KCNIP4: variants seen among roughly 807,000 people sequenced by gnomAD.
The protein encoded by KCNIP4 is Kv channel-interacting protein 4.
A neutral mutation model predicts 34.0 loss-of-function variants in KCNIP4; 12 were observed. The ratio of observed to expected loss-of-function variants is 0.35; its 90% CI spans 0.23 to 0.57. The LOEUF is 0.57. Ranked by LOEUF, KCNIP4 falls within the 20% of genes least tolerant of loss-of-function variation. The probability of loss-of-function intolerance (pLI) is 0.83; values close to 1 mark genes in which losing one functional copy is unlikely to be tolerated. For missense variants in KCNIP4, 238 were observed against 311.7 expected (o/e 0.76, Z 1.78); for synonymous variants, 124 against 102.2 (o/e 1.21, Z -1.29).
chr4:21,229,799 C>T lies in KCNIP4; in HGVS notation c.62-347090G>A, dbSNP rs182891746. Among the ~76,000 whole-genome samples the T allele has an allele frequency of 1.4e-4, 21 of 152,214 alleles. No individual in the cohort carries two copies. The East Asian group carries it at 2.7e-3, about 20-fold the overall frequency. ...ATTGCTATTCTATTTGATTTGATTC[C>T]TTTGCACAGTTCTGAGAGTCCCACT... On this transcript the variant is annotated intron_variant, in intron 1 of 8. Transcript: ENST00000382152.
chr4:21,076,201 G>C lies in KCNIP4; in HGVS notation c.62-193492C>G, dbSNP rs1370760497. 1.1e-4 allele frequency among the ~76,000 whole-genome samples: 16 copies of C among 152,112 alleles called. 1 individual carries two copies. Among genetic ancestry groups the C allele is most frequent in the Admixed American group, 1.0e-3 (16 of 15,260 alleles). ...TGTTGACCTGCCTTGCTAGGTTGGGGAAGTTCTCTCCTGGATAATATCCTG... is the reference window on the plus strand; with the variant it reads ...TGTTGACCTGCCTTGCTAGGTTGGGCAAGTTCTCTCCTGGATAATATCCTG... On this transcript the variant is annotated intron_variant, in intron 1 of 8. Coordinates refer to ENST00000382152, the MANE Select transcript of KCNIP4 (RefSeq NM_025221.6).
At position 20,770,224 on chromosome 4, in the gene KCNIP4, AC is replaced by A. The variant is rs561871465; in HGVS notation, c.289-11335del. ...ACAACTCGCAACTATATTTCTTGGC[AC>A]CTGCCATAGTTTAATGCGATTTGAA... is the stretch of plus-strand genomic sequence containing the variant. On this transcript the variant is annotated intron_variant, in intron 3 of 8. Transcript: ENST00000382152. Among the ~76,000 whole-genome samples the A allele has an allele frequency of 1.3e-3, 198 of 152,228 alleles. 4 individuals are homozygous for A. The South Asian group carries it at 0.04, about 30-fold the overall frequency.
At chr4:20,939,847 T>G (rs1296446595) in intron 1 of KCNIP4, among the ~76,000 whole-genome samples, 2 of 152,220 alleles carry the variant, frequency 1.3e-5, no homozygotes, top group African/African-American at 4.8e-5. Flanking sequence ...GTATAGAATC[T>G]GATGTTTTCC....
intron 1 of KCNIP4, among the ~76,000 whole-genome samples, chr4:21,398,022 A>G (rs960707101): frequency 6.6e-6 from 1 of 152,222 alleles, no homozygotes; most frequent in Non-Finnish European, 1.5e-5. Context: ...ACTTGGGGAC[A>G]TAGCTGAATG....
At chr4:21,643,187 T>A (rs1454081142) in intron 1 of KCNIP4, among the ~76,000 whole-genome samples, 1 of 152,216 alleles carries the variant, frequency 6.6e-6, no homozygotes, top group Non-Finnish European at 1.5e-5. Flanking sequence ...ATCTGTTTTC[T>A]TCCCTCTCTT....
chr4:21,085,462 C>T (rs911172332), intron 1 of KCNIP4, among the ~76,000 whole-genome samples: 6 of 152,214 alleles, frequency 3.9e-5, no homozygotes, highest in Admixed American at 1.3e-4. Context: ...TCTCTCTATA[C>T]TGAAGTCTAT....
At chr4:21,477,213 C>G (rs1280159702) in intron 1 of KCNIP4, among the ~76,000 whole-genome samples, 2 of 152,100 alleles carry the variant, frequency 1.3e-5, no homozygotes, top group Non-Finnish European at 2.9e-5. Context: ...CAGGTTTTTT[C>G]TTTTGCAAAC....
chr4:20,744,015 C>G (rs1178578637), intron 5 of KCNIP4, among the ~76,000 whole-genome samples: 3 of 152,008 alleles, frequency 2.0e-5, no homozygotes, highest in African/African-American at 7.2e-5. Context: ...TGAAAAAATG[C>G]TCATCATCAC....
intron 1 of KCNIP4, among the ~76,000 whole-genome samples, chr4:20,952,083 A>G (rs1053724808): frequency 2.6e-5 from 4 of 152,228 alleles, no homozygotes; most frequent in Admixed American, 2.0e-4. Flanking sequence ...AAATATTATC[A>G]AGGAAAAATC....
At chr4:21,519,715 TATATACACAC>T (rs1560480872) in intron 1 of KCNIP4, among the ~76,000 whole-genome samples, 61 of 118,578 alleles carry the variant, frequency 5.1e-4, no homozygotes, top group Admixed American at 3.7e-3. Flanking sequence ...TGTATGTGTA[TATATACACAC>T]GTGTGTATAT....
chr4:21,923,621 C>T (rs1424560186), intron 1 of KCNIP4, among the ~76,000 whole-genome samples: 1 of 151,936 alleles, frequency 6.6e-6, no homozygotes, highest in Non-Finnish European at 1.5e-5. Context: ...CTTCTTGCTT[C>T]TAATATTCAA....
intron 1 of KCNIP4, among the ~76,000 whole-genome samples, chr4:21,155,778 C>A (rs933172743): frequency 2.0e-5 from 3 of 152,270 alleles, no homozygotes; most frequent in African/African-American, 7.2e-5. Context: ...AGTGGACTAG[C>A]ATTTGTTAGA....
rs36044149 is a variant in KCNIP4 at position 20,988,000 on chromosome 4, C to CAAAAAAAAAAAAAAAAAAAAAAAAAA, written c.62-105292_62-105291insTTTTTTTTTTTTTTTTTTTTTTTTTT. On this transcript the variant is annotated intron_variant, in intron 1 of 8. Transcript: ENST00000382152. ...TGGGCGACACGGCGAGATTCCATCT[C>CAAAAAAAAAAAAAAAAAAAAAAAAAA]AAAAAAAAAAAAAAAAAAAAAATTA... Among the ~76,000 whole-genome samples, 39 of 46,312 alleles carry CAAAAAAAAAAAAAAAAAAAAAAAAAA rather than the reference C, an allele frequency of 8.4e-4. 4 individuals carry two copies. The highest frequency in any genetic ancestry group is 1.5e-3 in the East Asian group (2 of 1,370). 30.4% of individuals were successfully genotyped at this position (46,312 alleles called of 152,430 possible).
At chr4:21,616,110 GC>G (rs1560565650) in intron 1 of KCNIP4, among the ~76,000 whole-genome samples, 1 of 152,132 alleles carries the variant, frequency 6.6e-6, no homozygotes, top group African/African-American at 2.4e-5. Flanking sequence ...CCCAGTCACT[GC>G]CCTTGTCTCA....
chr4:21,859,889 C>T (rs1724973419), intron 1 of KCNIP4, among the ~76,000 whole-genome samples: 1 of 151,832 alleles, frequency 6.6e-6, no homozygotes, highest in African/African-American at 2.4e-5. Flanking sequence ...CAAAAACTAG[C>T]TGGTGATGCT....
intron 1 of KCNIP4, among the ~76,000 whole-genome samples, chr4:21,259,885 C>CTGTGTGTGTGTGTGTGTG (rs4054880): frequency 2.9e-3 from 423 of 146,006 alleles, no homozygotes; most frequent in African/African-American, 6.6e-3. Flanking sequence ...GCGCCCAAGA[C>CTGTGTGTGTGTGTGTGTG]TGTGTGTGTG....
chr4:21,265,034 C>A (rs1403360814), intron 1 of KCNIP4, among the ~76,000 whole-genome samples: 1 of 151,810 alleles, frequency 6.6e-6, no homozygotes, highest in Admixed American at 6.6e-5. Context: ...AAAAGGTGAA[C>A]ATTGCAGTGA....
At chr4:21,154,767 C>T (rs1418023993) in intron 1 of KCNIP4, among the ~76,000 whole-genome samples, 2 of 152,122 alleles carry the variant, frequency 1.3e-5, no homozygotes, top group African/African-American at 4.8e-5. Context: ...TTAAATGGAA[C>T]TCCTTCAGCT....
chr4:21,828,223 TTAA>T (rs1722784901), intron 1 of KCNIP4, among the ~76,000 whole-genome samples: 1 of 151,540 alleles, frequency 6.6e-6, no homozygotes, highest in Non-Finnish European at 1.5e-5. Context: ...ACAATTGAAA[TTAA>T]TAATAAAATG....
Sources: allele counts gnomAD v4.1 joint callset (sites outside exome capture counted in the v4.1 genomes callset), GRCh38; gene constraint gnomAD v4.1.1; transcripts MANE v1.5; gene names NCBI Gene and HGNC (gene_info 2026-07-23, HGNC 2026-07-21).